Variants in GRID2 observed in about 807,000 individuals in gnomAD.
The protein encoded by GRID2 is glutamate ionotropic receptor delta type subunit 2, also known as glutamate receptor ionotropic, delta-2.
GRID2 carries 33 observed loss-of-function variants against 114.8 expected under a neutral mutation model. The observed-to-expected ratio is 0.29, with a 90% CI of 0.22 to 0.38. The LOEUF (loss-of-function observed/expected upper bound fraction) is 0.38, where lower values mean the gene tolerates loss of function less well. GRID2 is among the 10% of genes least tolerant of loss of function. The pLI is 1.00. For synonymous variants in GRID2, 505 were observed against 449.9 expected, an observed-to-expected ratio of 1.12 and a Z score of -1.55; for missense variants, 1,184 against 1,257.7, an observed-to-expected ratio of 0.94 and a Z score of 0.89.
At chr4:93,736,887 A>T (rs1730970642) in intron 14 of GRID2, among the ~76,000 whole-genome samples, 1 of 151,356 alleles carries the variant, frequency 6.6e-6, no homozygotes, top group South Asian at 2.1e-4. Context: ...AAAATCCATC[A>T]ATGAGCCCAA....
intron 2 of GRID2, among the ~76,000 whole-genome samples, chr4:92,943,563 CCTT>C (rs568376178): frequency 7.4e-4 from 113 of 152,218 alleles, no homozygotes; most frequent in African/African-American, 2.6e-3. Flanking sequence ...TCGTCTGAAG[CCTT>C]CTTCTCTCAA....
At chr4:93,176,561 C>A (rs190182827) in intron 4 of GRID2, among the ~76,000 whole-genome samples, 4 of 152,262 alleles carry the variant, frequency 2.6e-5, no homozygotes, top group Non-Finnish European at 5.9e-5. Context: ...AGTTAGGGAA[C>A]TAAGCCCATT....
At chr4:92,488,798 G>A (rs1288386826) in intron 1 of GRID2, among the ~76,000 whole-genome samples, 1 of 152,088 alleles carries the variant, frequency 6.6e-6, no homozygotes, top group Admixed American at 6.6e-5. Flanking sequence ...GGAAAGACCA[G>A]GAAACTCCCA....
rs146533281 is a variant in GRID2, at chr4:92,591,476, T to C, written c.244+1190T>C. ...TGAATGCAAAATTAATTTAGTCAAA[T>C]AAAACATTTGCCTCATTAAAAATTT... On this transcript the variant is annotated intron_variant, in intron 2 of 15. Coordinates refer to ENST00000282020, the MANE Select transcript of GRID2 (RefSeq NM_001510.4). 2.7e-3 allele frequency among the ~76,000 whole-genome samples: 415 copies of C among 152,260 alleles called. 5 individuals are homozygous for C. Among genetic ancestry groups the C allele is most frequent in the African/African-American group, 9.4e-3 (391 of 41,562 alleles).
intron 2 of GRID2, among the ~76,000 whole-genome samples, chr4:92,905,679 C>A (rs969348082): frequency 4.1e-5 from 6 of 147,322 alleles, no homozygotes; most frequent in African/African-American, 1.5e-4. Context: ...AATTTAAATA[C>A]TCATATGGGG....
chr4:93,631,839 A>C (rs1443328625), intron 14 of GRID2, among the ~76,000 whole-genome samples: 1 of 152,184 alleles, frequency 6.6e-6, no homozygotes, highest in Non-Finnish European at 1.5e-5. Context: ...CCAACAGTGT[A>C]AAAGTGTTCC....
intron 1 of GRID2, among the ~76,000 whole-genome samples, chr4:92,313,081 ATGTG>A (rs144557382): frequency 0.54 from 78,860 of 144,892 alleles, 21,966 homozygotes; most frequent in Middle Eastern, 0.76. Flanking sequence ...AAACTCTGAT[ATGTG>A]TGTGTGTGTG....
At chr4:93,222,174 T>C (rs1336055713) in intron 6 of GRID2, among the ~76,000 whole-genome samples, 1 of 152,132 alleles carries the variant, frequency 6.6e-6, no homozygotes, top group Non-Finnish European at 1.5e-5. Context: ...AGAAAAGATG[T>C]ACAGTATGAG....
At chr4:93,500,552 C>G (rs1427096470) in intron 12 of GRID2, among the ~76,000 whole-genome samples, 1 of 152,008 alleles carries the variant, frequency 6.6e-6, no homozygotes, top group Non-Finnish European at 1.5e-5. Flanking sequence ...ATGTCACCAT[C>G]CTACCTTACA....
intron 11 of GRID2, among the ~76,000 whole-genome samples, chr4:93,482,017 A>G (rs1445692013): frequency 6.6e-6 from 1 of 152,096 alleles, no homozygotes; most frequent in Non-Finnish European, 1.5e-5. Flanking sequence ...ATGTCATTGC[A>G]TTCAATAGAA....
intron 1 of GRID2, among the ~76,000 whole-genome samples, chr4:92,547,567 A>T (rs530659343): frequency 1.1e-4 from 17 of 152,206 alleles, no homozygotes; most frequent in Non-Finnish European, 2.4e-4. Flanking sequence ...CAAAATGACA[A>T]ATCAAAAAAT....
intron 1 of GRID2, among the ~76,000 whole-genome samples, chr4:92,528,187 C>T (rs1046828760): frequency 1.3e-5 from 2 of 151,540 alleles, no homozygotes; most frequent in African/African-American, 2.4e-5. Context: ...AATAAAGAAA[C>T]TGATCAGTTA....
At chr4:92,520,635 A>T (rs1222761094) in intron 1 of GRID2, among the ~76,000 whole-genome samples, 4 of 151,898 alleles carry the variant, frequency 2.6e-5, no homozygotes, top group Non-Finnish European at 4.4e-5. Flanking sequence ...TCTCCTACAG[A>T]TGCACTCTTT....
intron 8 of GRID2, among the ~76,000 whole-genome samples, chr4:93,256,844 A>G (rs994057659): frequency 3.3e-5 from 5 of 151,972 alleles, no homozygotes; most frequent in Admixed American, 1.3e-4. Context: ...TTTGTGACAG[A>G]CATACAAAAC....
At chr4:93,117,853 A>G (rs1733424108) in intron 4 of GRID2, among the ~76,000 whole-genome samples, 1 of 152,188 alleles carries the variant, frequency 6.6e-6, no homozygotes, top group African/African-American at 2.4e-5. Context: ...TCAGCAATGC[A>G]TATTAAATAA....
At chr4:93,514,274 A>T (rs1729476790) in intron 12 of GRID2, among the ~76,000 whole-genome samples, 1 of 152,106 alleles carries the variant, frequency 6.6e-6, no homozygotes, top group African/African-American at 2.4e-5. Context: ...CAATTTAGAG[A>T]TAGATAACCT....
intron 2 of GRID2, among the ~76,000 whole-genome samples, chr4:92,608,141 A>C (rs1392854033): frequency 6.6e-6 from 1 of 151,820 alleles, no homozygotes; most frequent in Non-Finnish European, 1.5e-5. Flanking sequence ...GATATTGAGA[A>C]TGTAAACATC....
intron 14 of GRID2, among the ~76,000 whole-genome samples, chr4:93,723,376 A>G (rs983687566): frequency 6.6e-6 from 1 of 152,256 alleles, no homozygotes; most frequent in African/African-American, 2.4e-5. Context: ...GCAAATATTA[A>G]ACAGCTGCAT....
chr4:92,430,462 T>C (rs532268825), intron 1 of GRID2, among the ~76,000 whole-genome samples: 1 of 152,282 alleles, frequency 6.6e-6, no homozygotes, highest in Admixed American at 6.5e-5. Context: ...GTTCTATTGG[T>C]CCATGTGTCT....
Sources: gnomAD v4.1 joint callset for allele counts (sites outside exome capture counted in the v4.1 genomes callset) on GRCh38, gnomAD v4.1.1 for gene constraint, MANE v1.5 for transcripts, NCBI Gene and HGNC (gene_info 2026-07-23, HGNC 2026-07-21) for gene names.